The following SRGAP3 variants were observed in gnomAD, a reference collection of about 807,000 sequenced individuals.
SRGAP3 encodes the protein SLIT-ROBO Rho GTPase activating protein 3, also known as SLIT-ROBO Rho GTPase-activating protein 3.
In SRGAP3, 39 loss-of-function variants were observed where a neutral mutation model predicts 121.1. The ratio of observed to expected loss-of-function variants is 0.32; its 90% CI spans 0.25 to 0.42. The LOEUF is 0.42. Ranked by LOEUF, SRGAP3 falls within the 10% of genes least tolerant of loss-of-function variation. The pLI, the probability that SRGAP3 is intolerant of heterozygous loss-of-function variation, is 1.00. For synonymous variants in SRGAP3, 601 were observed against 570.0 expected (o/e 1.05, Z -0.77); for missense variants, 1,213 against 1,470.6 (o/e 0.82, Z 2.86).
intron 4 of SRGAP3, among the ~76,000 whole-genome samples, chr3:9,070,599 A>C (rs1946657955): frequency 6.6e-6 from 1 of 152,194 alleles, no homozygotes; most frequent in Admixed American, 6.5e-5. Flanking sequence ...GGATGGATGG[A>C]CAGATGAACA....
chr3:9,209,303 G>A (rs1414940511), intron 1 of SRGAP3, among the ~76,000 whole-genome samples: 1 of 152,130 alleles, frequency 6.6e-6, no homozygotes, highest in Non-Finnish European at 1.5e-5. Context: ...AAAATTCACA[G>A]TACATCTTAT....
chr3:9,276,430 T>G (rs961535206), intron 3 of SRGAP3, among the ~76,000 whole-genome samples: 7 of 27,540 alleles, frequency 2.5e-4, no homozygotes, highest in African/African-American at 8.2e-4. Context: ...GACTGTTTGT[T>G]TTTTTTTTTT....
chr3:9,124,130 G>C, intron 2 of SRGAP3, among the ~76,000 whole-genome samples: 1 of 152,160 alleles, frequency 6.6e-6, no homozygotes, highest in African/African-American at 2.4e-5. Flanking sequence ...CAAGCAGATG[G>C]AGCCTCCATG....
At position 9,204,648 on chromosome 3, in the gene SRGAP3, G is replaced by A. The variant is rs935318656; in HGVS notation, c.67+44237C>T. ...CAAACGAGGTACCAACTCTCCCTAA[G>A]GTCTTTTTTTTTTTTAAGTCCTAAG... is the stretch of plus-strand genomic sequence containing the variant. On this transcript the variant is annotated intron_variant, in intron 1 of 21. Transcript: ENST00000383836. 8.2e-5 allele frequency among the ~76,000 whole-genome samples: 5 copies of A among 60,834 alleles called. No homozygotes were observed. The South Asian group carries it at 2.8e-3, about 34-fold the overall frequency. 39.9% of individuals were successfully genotyped at this position (60,834 alleles called of 152,430 possible). A position where few individuals can be genotyped will look rare whatever the true frequency, so the allele number is the denominator to read the frequency against.
chr3:9,141,106 C>A (rs1949829357), intron 1 of SRGAP3, among the ~76,000 whole-genome samples: 1 of 152,170 alleles, frequency 6.6e-6, no homozygotes, highest in Non-Finnish European at 1.5e-5. Context: ...GAAACCTTCC[C>A]AGAAAATCTC....
At position 9,151,570 on chromosome 3, in the gene SRGAP3, G is replaced by T. The variant is rs147425859; in HGVS notation, c.68-26653C>A. Among the ~76,000 whole-genome samples, 21 of 152,346 alleles carry T rather than the reference G, an allele frequency of 1.4e-4. No homozygotes were observed. The East Asian group carries it at 4.0e-3, about 29-fold the overall frequency. On this transcript the variant is annotated intron_variant, in intron 1 of 21. Transcript: ENST00000383836. ...CCAAGAGGAGCAATTAAGAAGACCT[G>T]CCAGAACTGGTCAGAGAAGAAGAGA... is the stretch of plus-strand genomic sequence containing the variant.
chr3:9,289,413 A>G (rs1954835078), intron 3 of SRGAP3, among the ~76,000 whole-genome samples: 1 of 152,226 alleles, frequency 6.6e-6, no homozygotes, highest in Non-Finnish European at 1.5e-5. Context: ...AACTTCATCA[A>G]AATGAATTCC....
chr3:9,094,190 C>T (rs1947875196), intron 3 of SRGAP3, among the ~76,000 whole-genome samples: 1 of 152,142 alleles, frequency 6.6e-6, no homozygotes. Context: ...ACCATATGAA[C>T]CATATAAACT....
intron 3 of SRGAP3, among the ~76,000 whole-genome samples, chr3:9,090,412 A>T (rs1404786142): frequency 6.6e-6 from 1 of 152,044 alleles, no homozygotes; most frequent in Non-Finnish European, 1.5e-5. Context: ...TGCACAAAAA[A>T]AAAAAATCAA....
chr3:9,262,491 C>A (rs1407367420), intron 3 of SRGAP3, among the ~76,000 whole-genome samples: 1 of 65,934 alleles, frequency 1.5e-5, no homozygotes, highest in African/African-American at 6.8e-5. Context: ...CACATAGGCT[C>A]AAAATAAAGG....
intron 1 of SRGAP3, among the ~76,000 whole-genome samples, chr3:9,154,962 T>C (rs1265228200): frequency 1.3e-5 from 2 of 151,936 alleles, no homozygotes; most frequent in East Asian, 1.9e-4. Context: ...ATTTCATCAA[T>C]CTCCAGGCTC....
intron 4 of SRGAP3, among the ~76,000 whole-genome samples, chr3:9,066,302 T>C (rs888398364): frequency 1.3e-5 from 2 of 152,190 alleles, no homozygotes; most frequent in African/African-American, 4.8e-5. Context: ...TCCTGGGCCT[T>C]GTTCATTCTC....
intron 3 of SRGAP3, among the ~76,000 whole-genome samples, chr3:9,320,005 C>T (rs1245934864): frequency 1.3e-5 from 2 of 151,912 alleles, no homozygotes; most frequent in Non-Finnish European, 2.9e-5. Flanking sequence ...GGAACAAATT[C>T]CCCCAACCTA....
chr3:9,306,975 CT>C (rs546758361), intron 3 of SRGAP3, among the ~76,000 whole-genome samples: 1 of 152,024 alleles, frequency 6.6e-6, no homozygotes, highest in Non-Finnish European at 1.5e-5. Flanking sequence ...ACTTGTATGA[CT>C]TTTTTTTCTT....
intron 3 of SRGAP3, among the ~76,000 whole-genome samples, chr3:9,090,680 A>C (rs1032581486): frequency 6.6e-6 from 1 of 152,184 alleles, no homozygotes; most frequent in Non-Finnish European, 1.5e-5. Flanking sequence ...TTTGTCACCC[A>C]GGCTGGAGTG....
At chr3:9,247,788 A>T (rs1458094300) in intron 1 of SRGAP3, among the ~76,000 whole-genome samples, 1 of 152,246 alleles carries the variant, frequency 6.6e-6, no homozygotes, top group African/African-American at 2.4e-5. Flanking sequence ...TGTCGCAGCA[A>T]GGAGAACCAT....
intron 18 of SRGAP3, among the ~76,000 whole-genome samples, chr3:9,006,417 A>T (rs557189776): frequency 6.6e-6 from 1 of 151,668 alleles, no homozygotes; most frequent in Non-Finnish European, 1.5e-5. Context: ...AAAAAAAAGA[A>T]AAGAAAAGGA....
intron 3 of SRGAP3, among the ~76,000 whole-genome samples, chr3:9,317,303 T>C (rs1359570375): frequency 1.3e-5 from 2 of 152,194 alleles, no homozygotes; most frequent in Non-Finnish European, 2.9e-5. Context: ...CGGCCGTAAA[T>C]TTCCCTAGGA....
chr3:9,160,023 G>A (rs541121878), intron 1 of SRGAP3, among the ~76,000 whole-genome samples: 1 of 152,310 alleles, frequency 6.6e-6, no homozygotes, highest in African/African-American at 2.4e-5. Flanking sequence ...GTCAGATCAG[G>A]TAGTGGTTGA....
Sources: allele counts gnomAD v4.1 joint callset (sites outside exome capture counted in the v4.1 genomes callset), GRCh38; gene constraint gnomAD v4.1.1; transcripts MANE v1.5; gene names NCBI Gene and HGNC (gene_info 2026-07-23, HGNC 2026-07-21).